CTNNA3: variants seen among roughly 807,000 people sequenced by gnomAD.
CTNNA3 encodes the protein catenin alpha 3.
Under a neutral mutation model 95.7 loss-of-function variants are expected in CTNNA3, and 76 were observed. That is an observed-to-expected ratio of 0.79 (90% CI 0.66 to 0.96). The LOEUF is 0.96. Ranked by LOEUF, CTNNA3 falls within the 40% of genes least tolerant of loss-of-function variation. The pLI is 0.00. For missense variants in CTNNA3, 1,191 were observed against 1,089.8 expected (o/e 1.09, Z -1.31); for synonymous variants, 431 against 374.4 (o/e 1.15, Z -1.74).
intron 1 of CTNNA3, among the ~76,000 whole-genome samples, chr10:67,727,359 C>G (rs189024769): frequency 4.7e-5 from 6 of 128,674 alleles, no homozygotes; most frequent in African/African-American, 1.7e-4. Flanking sequence ...ATATCATATA[C>G]ATATATGTAT....
chr10:67,752,920 C>T (rs2131750100), intron 1 of CTNNA3, among the ~76,000 whole-genome samples: 1 of 152,206 alleles, frequency 6.6e-6, no homozygotes, highest in Non-Finnish European at 1.5e-5. Context: ...AGATTTAATG[C>T]TATTCCCATT....
intron 7 of CTNNA3, among the ~76,000 whole-genome samples, chr10:66,794,452 G>A (rs924387200): frequency 6.6e-6 from 1 of 152,126 alleles, no homozygotes; most frequent in Non-Finnish European, 1.5e-5. Flanking sequence ...AGTCTCTTAA[G>A]TGTGCAACAG....
At position 66,481,472 on chromosome 10, in the gene CTNNA3, T is replaced by C. The variant is rs1300614278; in HGVS notation, c.1531+39145A>G. On this transcript the variant is annotated intron_variant, in intron 11 of 17. Coordinates refer to ENST00000433211, the MANE Select transcript of CTNNA3 (RefSeq NM_013266.4). ...TTATTCCCTTGTTTCTTTTTTTTTT[T>C]TTTTTTTTTTTTTTTTTGAGACGGA... 3.5e-5 allele frequency among the ~76,000 whole-genome samples: 4 copies of C among 115,266 alleles called. 1 individual carries two copies. The highest frequency in any genetic ancestry group is 4.2e-5 in the African/African-American group (1 of 23,972). 75.6% of individuals were successfully genotyped at this position (115,266 alleles called of 152,430 possible). A position where few individuals can be genotyped will look rare whatever the true frequency, so the allele number is the denominator to read the frequency against.
In CTNNA3 at chr10:66,147,296, A is replaced by G. The variant is rs189851340; in HGVS notation, c.1885-44047T>C. Among the ~76,000 whole-genome samples the G allele has an allele frequency of 6.5e-4, 99 of 152,250 alleles. 1 individual carries two copies. The East Asian group carries it at 0.015, about 24-fold the overall frequency. The stretch of plus-strand genomic sequence containing the variant: ...ATGCCCAATATTCTTCTTTTTTAAA[A>G]AAAGTTTCTATTAGATTTTTAAAGT... On this transcript the variant is annotated intron_variant, in intron 13 of 17. Transcript: ENST00000433211.
chr10:66,685,161 G>GTATATATATATATACACA (rs1847206759), intron 9 of CTNNA3, among the ~76,000 whole-genome samples: 1 of 117,964 alleles, frequency 8.5e-6, no homozygotes, highest in Non-Finnish European at 1.7e-5. Context: ...ATATATACAC[G>GTATATATATATATACACA]TATATATATA....
Position 67,748,585 on chromosome 10 carries a change from C to A in CTNNA3, c.-2+14849G>T, listed in dbSNP as rs374168040. Among the ~76,000 whole-genome samples the A allele has an allele frequency of 2.2e-4, 34 of 152,272 alleles. No homozygotes were observed. In the East Asian group the frequency reaches 2.7e-3, roughly 12 times the overall value. On this transcript the variant is annotated intron_variant, in intron 1 of 17. Coordinates refer to the CTNNA3 transcript ENST00000684154. ...ATTTGTCACTGCCAGGCCTACCTTGCAAGAGCTCCTGAAAAAAGTGCTAAA... is the reference window on the plus strand; with the variant it reads ...ATTTGTCACTGCCAGGCCTACCTTGAAAGAGCTCCTGAAAAAAGTGCTAAA...
intron 8 of CTNNA3, among the ~76,000 whole-genome samples, chr10:66,770,474 A>G (rs1408477936): frequency 6.6e-6 from 1 of 152,316 alleles, no homozygotes; most frequent in African/African-American, 2.4e-5. Flanking sequence ...ACATACTTTC[A>G]ATAAATACCT....
chr10:66,879,893 C>A (rs1330243060), intron 7 of CTNNA3, among the ~76,000 whole-genome samples: 1 of 151,938 alleles, frequency 6.6e-6, no homozygotes, highest in African/African-American at 2.4e-5. Flanking sequence ...AGAAATGTAG[C>A]CTGGAGCCAA....
chr10:67,073,680 G>C (rs560084713), intron 7 of CTNNA3, among the ~76,000 whole-genome samples: 2 of 151,712 alleles, frequency 1.3e-5, no homozygotes, highest in African/African-American at 4.8e-5. Flanking sequence ...TATCTAGTGA[G>C]GTGTTTTTAA....
intron 13 of CTNNA3, among the ~76,000 whole-genome samples, chr10:66,162,325 CT>C (rs2084896350): frequency 6.6e-6 from 1 of 152,114 alleles, no homozygotes; most frequent in Non-Finnish European, 1.5e-5. Flanking sequence ...TCTTTTTCGT[CT>C]GGGTAGGCTC....
chr10:66,529,733 T>C (rs1841401056), intron 10 of CTNNA3, among the ~76,000 whole-genome samples: 4 of 152,156 alleles, frequency 2.6e-5, no homozygotes, highest in Admixed American at 2.0e-4. Context: ...CTGAGAAAGA[T>C]CTTATCAGTA....
intron 7 of CTNNA3, among the ~76,000 whole-genome samples, chr10:66,808,558 A>C (rs866824143): frequency 6.6e-6 from 1 of 152,194 alleles, no homozygotes; most frequent in Non-Finnish European, 1.5e-5. Context: ...TTTACTTTCC[A>C]AAGATTCAGT....
At chr10:67,422,321 G>A (rs1845773881) in intron 5 of CTNNA3, among the ~76,000 whole-genome samples, 1 of 152,064 alleles carries the variant, frequency 6.6e-6, no homozygotes, top group Non-Finnish European at 1.5e-5. Context: ...GTATGTAAGG[G>A]TAAAGGGGCA....
chr10:66,138,316 T>C (rs1404899377), intron 13 of CTNNA3, among the ~76,000 whole-genome samples: 5 of 152,158 alleles, frequency 3.3e-5, no homozygotes, highest in Admixed American at 3.3e-4. Flanking sequence ...TCCAACCACA[T>C]GATGACATAG....
At chr10:67,013,644 T>C (rs1356350869) in intron 7 of CTNNA3, among the ~76,000 whole-genome samples, 1 of 152,170 alleles carries the variant, frequency 6.6e-6, no homozygotes, top group African/African-American at 2.4e-5. Flanking sequence ...GTATTAAAAG[T>C]ATTAATACCA....
At chr10:67,481,030 G>C (rs1410943044) in intron 5 of CTNNA3, among the ~76,000 whole-genome samples, 1 of 152,150 alleles carries the variant, frequency 6.6e-6, no homozygotes, top group Non-Finnish European at 1.5e-5. Flanking sequence ...TTATTAAAAG[G>C]TTTTTCTGTG....
At chr10:66,033,137 T>TTC (rs1240336419) in intron 15 of CTNNA3, among the ~76,000 whole-genome samples, 1 of 147,238 alleles carries the variant, frequency 6.8e-6, no homozygotes, top group African/African-American at 2.5e-5. Flanking sequence ...CTTTTTTTCT[T>TTC]TTTTTTTTTT....
chr10:67,072,704 C>T (rs1465922847), intron 7 of CTNNA3, among the ~76,000 whole-genome samples: 2 of 152,106 alleles, frequency 1.3e-5, no homozygotes, highest in African/African-American at 2.4e-5. Context: ...CTTCTGGGCC[C>T]TGAAAAAGTT....
intron 1 of CTNNA3, among the ~76,000 whole-genome samples, chr10:67,719,914 A>G (rs1010888718): frequency 2.5e-4 from 38 of 151,998 alleles, no homozygotes; most frequent in Admixed American, 6.6e-4. Flanking sequence ...AGAGTCTCAC[A>G]GTATTATTGT....
Sources: gnomAD v4.1 joint callset for allele counts (sites outside exome capture counted in the v4.1 genomes callset) on GRCh38, gnomAD v4.1.1 for gene constraint, MANE v1.5 for transcripts, NCBI Gene and HGNC (gene_info 2026-07-23, HGNC 2026-07-21) for gene names.